GRM5: variants seen among roughly 807,000 people sequenced by gnomAD.
GRM5 encodes metabotropic glutamate receptor 5.
GRM5 carries 19 observed loss-of-function variants against 83.1 expected under a neutral mutation model. The observed-to-expected ratio is 0.23, with a 90% CI of 0.16 to 0.34. The LOEUF (loss-of-function observed/expected upper bound fraction) is 0.34, where lower values mean the gene tolerates loss of function less well. GRM5 is among the 10% of genes least tolerant of loss of function. The probability of loss-of-function intolerance (pLI) is 1.00; values close to 1 mark genes in which losing one functional copy is unlikely to be tolerated. For missense variants in GRM5, 1,160 were observed against 1,588.3 expected, an observed-to-expected ratio of 0.73 and a Z score of 4.58; for synonymous variants, 675 against 633.6, an observed-to-expected ratio of 1.07 and a Z score of -0.98.
intron 3 of GRM5, among the ~76,000 whole-genome samples, chr11:88,841,626 T>C (rs891959158): frequency 1.3e-5 from 2 of 152,208 alleles, no homozygotes; most frequent in African/African-American, 4.8e-5. Flanking sequence ...GGTCTTTCCT[T>C]ATGCTGGATT....
At chr11:88,729,344 G>T (rs904650390) in intron 3 of GRM5, among the ~76,000 whole-genome samples, 1 of 149,244 alleles carries the variant, frequency 6.7e-6, no homozygotes, top group East Asian at 2.0e-4. Context: ...TCTTCAAGGA[G>T]AACTACAAAC....
At chr11:88,640,635 G>A (rs1167028841) in intron 4 of GRM5, among the ~76,000 whole-genome samples, 4 of 152,256 alleles carry the variant, frequency 2.6e-5, no homozygotes, top group Middle Eastern at 3.4e-3. Context: ...GTGACCAACC[G>A]GCTTGAAGGT....
At chr11:88,537,953 G>C (rs1698747089) in intron 8 of GRM5, among the ~76,000 whole-genome samples, 1 of 152,046 alleles carries the variant, frequency 6.6e-6, no homozygotes, top group Non-Finnish European at 1.5e-5. Flanking sequence ...CTGAAAAGTG[G>C]GGAAGCAATG....
At chr11:88,792,785 TTA>T (rs1943201079) in intron 3 of GRM5, among the ~76,000 whole-genome samples, 2 of 151,988 alleles carry the variant, frequency 1.3e-5, no homozygotes, top group Admixed American at 1.3e-4. Flanking sequence ...AAACCAATTA[TTA>T]GTGTTTTTTT....
At chr11:88,518,401 A>G (rs555552196) in intron 9 of GRM5, among the ~76,000 whole-genome samples, 2 of 152,142 alleles carry the variant, frequency 1.3e-5, no homozygotes, top group South Asian at 4.1e-4. Flanking sequence ...GCTACTCATC[A>G]TACATAATTT....
chr11:88,661,644 G>A (rs1439752524), intron 3 of GRM5, among the ~76,000 whole-genome samples: 2 of 152,004 alleles, frequency 1.3e-5, no homozygotes, highest in African/African-American at 4.8e-5. Context: ...ATATTGCTCC[G>A]TGCACCCCAG....
chr11:88,652,132 A>C (rs1238799113), intron 4 of GRM5, among the ~76,000 whole-genome samples: 3 of 152,104 alleles, frequency 2.0e-5, no homozygotes, highest in Non-Finnish European at 4.4e-5. Flanking sequence ...ACAAAAACTT[A>C]TCAGAGCAAG....
At chr11:88,963,216 T>G (rs1470136566) in intron 2 of GRM5, among the ~76,000 whole-genome samples, 1 of 152,112 alleles carries the variant, frequency 6.6e-6, no homozygotes, top group East Asian at 1.9e-4. Flanking sequence ...CAATGGGAAA[T>G]GGTAAAGCAG....
chr11:88,821,645 G>C (rs12275956), intron 3 of GRM5, among the ~76,000 whole-genome samples: 3,863 of 152,088 alleles, frequency 0.025, 173 homozygotes, highest in African/African-American at 0.089. Flanking sequence ...ATTACTCCTG[G>C]AGTGATCCTT....
chr11:88,930,932 G>A (rs1036859507), intron 2 of GRM5, among the ~76,000 whole-genome samples: 10 of 76,986 alleles, frequency 1.3e-4, no homozygotes, highest in African/African-American at 4.8e-4. Flanking sequence ...GAAGGGAAGT[G>A]TAGTAGGTCT....
At chr11:88,821,527 A>G (rs1002194939) in intron 3 of GRM5, among the ~76,000 whole-genome samples, 1 of 152,006 alleles carries the variant, frequency 6.6e-6, no homozygotes, top group African/African-American at 2.4e-5. Flanking sequence ...TCCTTCTCCA[A>G]TACTACTTTG....
intron 3 of GRM5, among the ~76,000 whole-genome samples, chr11:88,818,108 C>T (rs1393502444): frequency 6.6e-6 from 1 of 151,890 alleles, no homozygotes; most frequent in African/African-American, 2.4e-5. Flanking sequence ...ACATAAAAAA[C>T]TATAAATCTA....
chr11:88,787,130 G>GAT lies in GRM5; in HGVS notation c.911+62774_911+62775dup, dbSNP rs554211058. On this transcript the variant is annotated intron_variant, in intron 3 of 9. Transcript: ENST00000305447. ...TATTTAAAAATATGATATATGATATGATGTGTGTGTGTGTGTGTGTGTGTG... is the reference window on the plus strand; with the variant it reads ...TATTTAAAAATATGATATATGATATGATATGTGTGTGTGTGTGTGTGTGTGTG... Among the ~76,000 whole-genome samples, 213 of 87,948 alleles carry GAT rather than the reference G, an allele frequency of 2.4e-3. 3 individuals carry two copies. Among genetic ancestry groups the GAT allele is most frequent in the African/African-American group, 8.7e-3 (208 of 23,936 alleles). 57.7% of individuals were successfully genotyped at this position (87,948 alleles called of 152,430 possible). A position where few individuals can be genotyped will look rare whatever the true frequency, so the allele number is the denominator to read the frequency against.
intron 2 of GRM5, among the ~76,000 whole-genome samples, chr11:88,903,902 A>C (rs1312205882): frequency 6.6e-6 from 1 of 152,222 alleles, no homozygotes; most frequent in Non-Finnish European, 1.5e-5. Flanking sequence ...TTATTAAAAA[A>C]GATGTGACAG....
At chr11:89,055,414 T>C (rs1231294271) in intron 1 of GRM5, among the ~76,000 whole-genome samples, 3 of 152,188 alleles carry the variant, frequency 2.0e-5, no homozygotes, top group African/African-American at 7.2e-5. Flanking sequence ...TGCTCTATCC[T>C]CCAAGCTCAC....
intron 8 of GRM5, among the ~76,000 whole-genome samples, chr11:88,556,599 G>GC (rs1375927679): frequency 3.9e-5 from 6 of 152,024 alleles, no homozygotes; most frequent in Non-Finnish European, 7.4e-5. Flanking sequence ...GGGATTACAG[G>GC]CATGAGCCAC....
chr11:88,528,202 A>G lies in GRM5; in HGVS notation c.2631-2798T>C, dbSNP rs147222825. Among the ~76,000 whole-genome samples, 850 of 152,194 alleles carry G rather than the reference A, an allele frequency of 5.6e-3. 15 individuals carry two copies. Among genetic ancestry groups the G allele is most frequent in the African/African-American group, 0.019 (799 of 41,554 alleles). On this transcript the variant is annotated intron_variant, in intron 8 of 9. Coordinates refer to ENST00000305447, the MANE Select transcript of GRM5 (RefSeq NM_001143831.3). ...ATGAAAATTCAAAACAATAATAACA[A>G]AACTCATTTTAAAAATGTGAGCAAT...
chr11:88,740,594 A>G (rs980860445), intron 3 of GRM5, among the ~76,000 whole-genome samples: 1 of 152,196 alleles, frequency 6.6e-6, no homozygotes, highest in South Asian at 2.1e-4. Flanking sequence ...ACCTTCCCAC[A>G]TTACTCCACC....
intron 9 of GRM5, among the ~76,000 whole-genome samples, chr11:88,520,005 A>G (rs1005502869): frequency 1.3e-5 from 2 of 152,194 alleles, no homozygotes; most frequent in African/African-American, 4.8e-5. Context: ...CTAGTGCCAG[A>G]ACCAGATATT....
Sources: allele counts gnomAD v4.1 joint callset (sites outside exome capture counted in the v4.1 genomes callset), GRCh38; gene constraint gnomAD v4.1.1; transcripts MANE v1.5; gene names NCBI Gene and HGNC (gene_info 2026-07-23, HGNC 2026-07-21).